Variants in HEXD observed in about 807,000 individuals in gnomAD.
HEXD encodes the protein N-acetyl-beta-galactosaminidase.
Under a neutral mutation model 54.2 loss-of-function variants are expected in HEXD, and 47 were observed. That is an observed-to-expected ratio of 0.87 (90% CI 0.69 to 1.11). The LOEUF (loss-of-function observed/expected upper bound fraction) is 1.11. HEXD is among the 50% of genes least tolerant of loss of function. The probability of loss-of-function intolerance (pLI) is 0.00; values close to 1 mark genes in which losing one functional copy is unlikely to be tolerated. For missense variants in HEXD, 576 were observed against 649.2 expected (o/e 0.89, Z 1.23); for synonymous variants, 293 against 287.6 (o/e 1.02, Z -0.19).
chr17:82,435,717 C>T lies in HEXD; in HGVS notation c.476C>T (p.Ser159Leu), dbSNP rs376752423. 8 of 1,612,542 alleles carry T rather than the reference C, an allele frequency of 5.0e-6. No homozygotes were observed. The highest frequency in any genetic ancestry group is 3.3e-5 in the Admixed American group (2 of 59,984). ...TATTACCTCGGAGAGGGGGAGGCCT[C>T]GCGCCGGTGGCTACAGCAAGAGCAG... ...EVYYLGEGEA[S>L]RRWLQQEQNS... The change falls in exon 6 of 13, where the codon TCG becomes TTG. Residue 159 changes from serine to leucine, a missense_variant. Physicochemically the swap from Ser to Leu is moderately radical, Grantham distance 145. Transcript: ENST00000327949.
intron 1 of HEXD, 57 bp downstream of exon 1, chr17:82,418,797 A>C (rs2053143732): frequency 6.6e-6 from 1 of 152,386 alleles, no homozygotes; most frequent in Non-Finnish European, 1.5e-5. Context: ...TCCTGGCTGG[A>C]AGCGTTTCCC....
chr17:82,420,260 T>C (rs1203276929), intron 2 of HEXD: 1 of 157,822 alleles, frequency 6.3e-6, no homozygotes, highest in Non-Finnish European at 1.4e-5. Context: ...TACTAGAATA[T>C]GGTGAACCCT....
At chr17:82,435,944 G>A in intron 6 of HEXD, 72 bp downstream of exon 6, 1 of 1,488,578 alleles carries the variant, frequency 6.7e-7, no homozygotes, top group South Asian at 1.2e-5. Flanking sequence ...AAGAAAGAAG[G>A]TGCTGTAGGA....
Position 82,433,644 on chromosome 17 carries a change from C to T in HEXD, c.283-14C>T. ...TCCTCCGCCCCCAACGCGAACTTCT[C>T]TGTCTCTCCGCAGTTTGTGCTGAAG... On this transcript the variant is annotated splice_polypyrimidine_tract_variant and intron_variant, in intron 4 of 12. Transcript: ENST00000327949. 5.2e-6 allele frequency: 8 copies of T among 1,548,448 alleles called. No homozygotes were observed. Among genetic ancestry groups the T allele is most frequent in the Non-Finnish European group, 6.9e-6 (8 of 1,154,212 alleles).
chr17:82,425,205 G>A (rs1180671996), intron 3 of HEXD, among the ~76,000 whole-genome samples: 1 of 149,798 alleles, frequency 6.7e-6, no homozygotes, highest in African/African-American at 2.5e-5. Context: ...GCTGGAGGAG[G>A]CTGGAGGAGG....
At chr17:82,420,442 G>A (rs1409654030) in intron 2 of HEXD, 3 of 152,376 alleles carry the variant, frequency 2.0e-5, no homozygotes, top group Non-Finnish European at 2.9e-5. Context: ...CCAGAAGCTA[G>A]AGAGAAGCAA....
intron 7 of HEXD, 90 bp from the exon 8 acceptor site, chr17:82,437,078 G>A (rs1349116788): frequency 1.7e-6 from 2 of 1,194,256 alleles, no homozygotes; most frequent in Non-Finnish European, 2.4e-6. Flanking sequence ...CGGCTCCCAT[G>A]TTGGCTCTGG....
intron 4 of HEXD, among the ~76,000 whole-genome samples, chr17:82,429,761 C>T (rs1487037856): frequency 2.0e-5 from 3 of 152,126 alleles, no homozygotes; most frequent in Non-Finnish European, 4.4e-5. Context: ...CTGTAGCTGG[C>T]GGTCCCCAGG....
rs1005426125 is a variant in HEXD at position 82,428,490 on chromosome 17, T to TG, written c.195-61dup. On this transcript the variant is annotated intron_variant, in intron 3 of 12. Transcript: ENST00000327949. ...CCCCCAGGGCCTGATGAGGAAGGGC[T>TG]GGGGGGGTGGGTGTGGAAGTCACGT... is the stretch of plus-strand genomic sequence containing the variant. The TG allele has an allele frequency of 3.9e-4, 540 of 1,374,124 alleles. 1 individual carries two copies. The highest frequency in any genetic ancestry group is 3.0e-3 in the African/African-American group (213 of 70,170). 85.1% of individuals were successfully genotyped at this position (1,374,124 alleles called of 1,614,324 possible). A position where few individuals can be genotyped will look rare whatever the true frequency, so the allele number is the denominator to read the frequency against.
intron 5 of HEXD, 89 bp downstream of exon 5, chr17:82,433,911 C>G: frequency 8.3e-7 from 1 of 1,209,686 alleles, no homozygotes; most frequent in African/African-American, 1.6e-5. Flanking sequence ...GGCACTGAGG[C>G]CTAGAGACAG....
chr17:82,440,128 G>T (rs1314884760), intron 9 of HEXD: 1 of 1,294,464 alleles, frequency 7.7e-7, no homozygotes, highest in East Asian at 5.4e-5. Flanking sequence ...TCTCCTGAGG[G>T]AGCAGCGGGA....
chr17:82,421,456 T>G (rs7217570), intron 2 of HEXD, among the ~76,000 whole-genome samples: 43,473 of 152,054 alleles, frequency 0.29, 6,919 homozygotes, highest in East Asian at 0.69. Flanking sequence ...CAGTTTCTAA[T>G]ACCGCGTGGC....
In HEXD at chr17:82,419,805, A is replaced by AG. The variant is rs2053177854; in HGVS notation, c.8dup (p.Ser4PhefsTer14). 1 of 1,602,036 alleles carries AG rather than the reference A, an allele frequency of 6.2e-7. No individual in the cohort carries two copies. The highest frequency in any genetic ancestry group is 1.7e-5 in the Admixed American group (1 of 59,896). On this transcript the variant is annotated frameshift_variant, in exon 2 of 13. Transcript: ENST00000327949. LOFTEE classifies it high-confidence loss of function. The stretch of plus-strand genomic sequence containing the variant: ...AGTTCACAGGAAATATTGAAATGTC[A>AG]GGTTCCACTCCATTTCAGATGAGAT...
In HEXD at chr17:82,418,464, C is replaced by A; in HGVS notation, c.-328C>A. On this transcript the variant is annotated 5_prime_UTR_variant, in exon 1 of 13. Coordinates refer to ENST00000327949, the MANE Select transcript of HEXD (RefSeq NM_001330542.2). Reference sequence around the variant, plus strand: ...CCGTTGCCCTCGGGCGCCTTGGTTGCGGCCCTCCGCTGAGGAGCCATCGGA... The same window carrying A: ...CCGTTGCCCTCGGGCGCCTTGGTTGAGGCCCTCCGCTGAGGAGCCATCGGA... 6.8e-7 allele frequency: 1 copy of A among 1,472,222 alleles called. No homozygotes were observed. Among genetic ancestry groups the A allele is most frequent in the Non-Finnish European group, 9.0e-7 (1 of 1,117,272 alleles). 91.2% of individuals were successfully genotyped at this position (1,472,222 alleles called of 1,614,324 possible).
intron 1 of HEXD, among the ~76,000 whole-genome samples, chr17:82,419,153 G>A (rs1156965727): frequency 6.6e-6 from 1 of 152,124 alleles, no homozygotes; most frequent in African/African-American, 2.4e-5. Flanking sequence ...CAGCTGCTTC[G>A]TTATCCCTTG....
chr17:82,440,823 A>G (rs1479095386), intron 9 of HEXD, among the ~76,000 whole-genome samples, 174 bp from the exon 10 acceptor site: 4 of 152,226 alleles, frequency 2.6e-5, no homozygotes, highest in African/African-American at 9.6e-5. Context: ...GAGAAGCAGC[A>G]GGCCCATTTG....
At chr17:82,440,685 G>A in intron 9 of HEXD, 1 of 445,558 alleles carries the variant, frequency 2.2e-6, no homozygotes, top group South Asian at 2.4e-5. Context: ...GTGAGCCCTG[G>A]ACACCTGTGT....
chr17:82,432,878 A>G (rs1426024655), intron 4 of HEXD, among the ~76,000 whole-genome samples: 2 of 150,096 alleles, frequency 1.3e-5, no homozygotes, highest in East Asian at 2.0e-4. Flanking sequence ...CCTGGCTAAC[A>G]CGGTGAAACC....
At chr17:82,424,124 C>A (rs1050414073) in intron 2 of HEXD, among the ~76,000 whole-genome samples, 2 of 152,314 alleles carry the variant, frequency 1.3e-5, no homozygotes, top group Non-Finnish European at 2.9e-5. Flanking sequence ...TGGCCGGACC[C>A]GTCCCTCCCA....
Sources: gnomAD v4.1 joint callset for allele counts (sites outside exome capture counted in the v4.1 genomes callset) on GRCh38, gnomAD v4.1.1 for gene constraint, MANE v1.5 for transcripts, NCBI Gene and HGNC (gene_info 2026-07-23, HGNC 2026-07-21) for gene names.